CNBD1: variants seen among roughly 807,000 people sequenced by gnomAD.
CNBD1 encodes the protein cyclic nucleotide binding domain containing 1.
A neutral mutation model predicts 54.4 loss-of-function variants in CNBD1; 71 were observed. The observed-to-expected ratio is 1.30, with a 90% CI of 1.08 to 1.59. CNBD1 has a LOEUF of 1.59. Ranked by LOEUF, CNBD1 falls within the 40% of genes most tolerant of loss-of-function variation. The pLI, the probability that CNBD1 is intolerant of heterozygous loss-of-function variation, is 0.00. For synonymous variants in CNBD1, 182 were observed against 170.7 expected, an observed-to-expected ratio of 1.07 and a Z score of -0.51; for missense variants, 659 against 518.0, an observed-to-expected ratio of 1.27 and a Z score of -2.64.
At chr8:87,246,655 C>T (rs11992516) in intron 6 of CNBD1, among the ~76,000 whole-genome samples, 3 of 151,460 alleles carry the variant, frequency 2.0e-5, no homozygotes, top group Admixed American at 2.0e-4. Context: ...CCATCCTGTC[C>T]CTTTTAGAAT....
intron 4 of CNBD1, among the ~76,000 whole-genome samples, chr8:86,957,894 C>T (rs569357358): frequency 3.3e-5 from 5 of 152,220 alleles, no homozygotes; most frequent in Admixed American, 1.3e-4. Context: ...TTTGCCCTTG[C>T]TTCTCTAGTT....
chr8:87,027,553 AG>A (rs953199292), intron 4 of CNBD1, among the ~76,000 whole-genome samples: 1 of 152,174 alleles, frequency 6.6e-6, no homozygotes, highest in Non-Finnish European at 1.5e-5. Flanking sequence ...TATAGGCATG[AG>A]CCACCGTGCC....
At position 87,368,467 on chromosome 8, in the gene CNBD1, C is replaced by A. The variant is rs1488699955; in HGVS notation, c.1304-14153C>A. Among the ~76,000 whole-genome samples the A allele has an allele frequency of 2.6e-5, 4 of 151,888 alleles. No individual in the cohort carries two copies. The East Asian group carries it at 7.9e-4, about 30-fold the overall frequency. On this transcript the variant is annotated intron_variant, in intron 10 of 10. Coordinates refer to ENST00000518476, the MANE Select transcript of CNBD1 (RefSeq NM_173538.3). ...ACTGGGCAACATAGTGAGACCCTGT[C>A]TGTACAAAAAATAGTAAAAAGTTAG... is the stretch of plus-strand genomic sequence containing the variant.
intron 4 of CNBD1, among the ~76,000 whole-genome samples, chr8:87,158,928 T>C (rs1030071585): frequency 2.6e-5 from 4 of 152,198 alleles, no homozygotes; most frequent in African/African-American, 9.6e-5. Context: ...TCCAAGCAAT[T>C]TAATGGTCTT....
intron 10 of CNBD1, among the ~76,000 whole-genome samples, chr8:87,362,635 C>G (rs1810546659): frequency 6.6e-6 from 1 of 151,986 alleles, no homozygotes. Flanking sequence ...ACCATTTTGT[C>G]TACTCCATGG....
At chr8:87,173,032 T>G (rs975436590) in intron 4 of CNBD1, among the ~76,000 whole-genome samples, 1 of 152,138 alleles carries the variant, frequency 6.6e-6, no homozygotes, top group African/African-American at 2.4e-5. Context: ...TTTTTGTGTA[T>G]TTGTTGTATA....
intron 4 of CNBD1, among the ~76,000 whole-genome samples, chr8:87,157,083 T>G (rs1057445676): frequency 6.6e-6 from 1 of 152,172 alleles, no homozygotes; most frequent in East Asian, 1.9e-4. Flanking sequence ...ATGCATGAGT[T>G]TTAATGAAGC....
intron 8 of CNBD1, among the ~76,000 whole-genome samples, chr8:87,328,035 G>T (rs1017671916): frequency 1.3e-5 from 2 of 151,526 alleles, no homozygotes; most frequent in Non-Finnish European, 2.9e-5. Flanking sequence ...TTGTTCCATA[G>T]GTATATATAT....
chr8:87,024,122 T>C (rs1187684350), intron 4 of CNBD1, among the ~76,000 whole-genome samples: 4 of 149,716 alleles, frequency 2.7e-5, no homozygotes, highest in African/African-American at 9.8e-5. Context: ...ACCTGTAATC[T>C]CAGATACTTG....
chr8:87,284,028 A>G (rs1439556859), intron 6 of CNBD1, among the ~76,000 whole-genome samples: 2 of 152,162 alleles, frequency 1.3e-5, no homozygotes, highest in Non-Finnish European at 2.9e-5. Flanking sequence ...TTAGATAGGC[A>G]TATCGACCTG....
intron 2 of CNBD1, among the ~76,000 whole-genome samples, chr8:87,394,313 C>T (rs936744656): frequency 1.3e-5 from 2 of 151,888 alleles, no homozygotes; most frequent in Non-Finnish European, 2.9e-5. Context: ...GGTGAGGGGA[C>T]TGGGGAATAA....
chr8:87,185,896 G>A (rs1362314204), intron 4 of CNBD1, among the ~76,000 whole-genome samples: 1 of 151,972 alleles, frequency 6.6e-6, no homozygotes, highest in East Asian at 1.9e-4. Flanking sequence ...CCTCAATTAA[G>A]GAAACTGTCT....
At chr8:86,949,450 A>G (rs961502044) in intron 4 of CNBD1, among the ~76,000 whole-genome samples, 4 of 152,188 alleles carry the variant, frequency 2.6e-5, no homozygotes, top group Admixed American at 2.6e-4. Context: ...AGTTTTCTTT[A>G]TAGATATATT....
chr8:87,324,286 C>A lies in CNBD1; in HGVS notation c.1043-27399C>A, dbSNP rs1353831384. ...TCTCTTTTTTGGTTGTGTCTCTGCCCGGCTTTGGTATCAGAATGATGCTGG... is the reference window on the plus strand; with the variant it reads ...TCTCTTTTTTGGTTGTGTCTCTGCCAGGCTTTGGTATCAGAATGATGCTGG... On this transcript the variant is annotated intron_variant, in intron 8 of 10. Coordinates refer to ENST00000518476, the MANE Select transcript of CNBD1 (RefSeq NM_173538.3). Among the ~76,000 whole-genome samples the A allele has an allele frequency of 1.6e-5, 2 of 126,538 alleles. 1 individual carries two copies. The highest frequency in any genetic ancestry group is 6.0e-5 in the African/African-American group (2 of 33,322). 83.0% of individuals were successfully genotyped at this position (126,538 alleles called of 152,430 possible).
chr8:87,337,458 C>T (rs561219434), intron 8 of CNBD1, among the ~76,000 whole-genome samples: 1 of 152,296 alleles, frequency 6.6e-6, no homozygotes, highest in South Asian at 2.1e-4. Flanking sequence ...CACCCCTCCC[C>T]CAAGGAGCTC....
At chr8:87,055,151 T>C (rs543318369) in intron 4 of CNBD1, among the ~76,000 whole-genome samples, 7 of 152,228 alleles carry the variant, frequency 4.6e-5, no homozygotes, top group African/African-American at 1.7e-4. Flanking sequence ...AATTAAGAAG[T>C]GTAGACATGA....
At chr8:87,274,932 T>C (rs1239686862) in intron 6 of CNBD1, among the ~76,000 whole-genome samples, 3 of 134,288 alleles carry the variant, frequency 2.2e-5, no homozygotes, top group Non-Finnish European at 4.8e-5. Context: ...CTTTAATCCA[T>C]CTTGAATTGA....
intron 2 of CNBD1, among the ~76,000 whole-genome samples, chr8:87,411,397 C>CATCTATATATATATATATATATAT (rs1554588018): frequency 1.1e-5 from 1 of 92,412 alleles, no homozygotes; most frequent in African/African-American, 4.3e-5. Context: ...CTAGCTATAT[C>CATCTATATATATATATATATATAT]ATATATATAT....
At chr8:87,045,392 T>G (rs182836331) in intron 4 of CNBD1, among the ~76,000 whole-genome samples, 1 of 152,294 alleles carries the variant, frequency 6.6e-6, no homozygotes, top group Admixed American at 6.5e-5. Flanking sequence ...ATGATTCTAA[T>G]TTGATTCTTA....
Sources: gnomAD v4.1 joint callset for allele counts (sites outside exome capture counted in the v4.1 genomes callset) on GRCh38, gnomAD v4.1.1 for gene constraint, MANE v1.5 for transcripts, NCBI Gene and HGNC (gene_info 2026-07-23, HGNC 2026-07-21) for gene names.